Variants in EPHX1 observed in about 807,000 individuals in gnomAD.
EPHX1 encodes the protein epoxide hydratase.
EPHX1 carries 40 observed loss-of-function variants against 43.2 expected under a neutral mutation model. The observed-to-expected ratio is 0.93, with a 90% CI of 0.72 to 1.21. The LOEUF (loss-of-function observed/expected upper bound fraction) is 1.21. Among genes scored for constraint, EPHX1 ranks in the 50% most tolerant of loss-of-function variants. The pLI is 0.00. For synonymous variants in EPHX1, 221 were observed against 226.7 expected (o/e 0.98, Z 0.22); for missense variants, 550 against 570.4 (o/e 0.96, Z 0.36).
Position 225,839,361 on chromosome 1 carries a change from G to A in EPHX1, c.722+15G>A. 6.2e-7 allele frequency: 1 copy of A among 1,600,976 alleles called. No individual in the cohort carries two copies. Among genetic ancestry groups the A allele is most frequent in the East Asian group, 2.3e-5 (1 of 44,408 alleles). ...CTGGTGCCCAGGTGAGGTCACTGTT[G>A]GGGTGGTGTGTGTGTGTGTGTGTGT... On this transcript the variant is annotated intron_variant, in intron 5 of 8. Coordinates refer to ENST00000272167, the MANE Select transcript of EPHX1 (RefSeq NM_001136018.4).
intron 7 of EPHX1, among the ~76,000 whole-genome samples, chr1:225,843,481 T>G (rs1668611031): frequency 6.6e-6 from 1 of 152,146 alleles, no homozygotes; most frequent in Non-Finnish European, 1.5e-5. Flanking sequence ...GGGATCTGTT[T>G]CCCCTGCCCT....
rs45464298 is a variant in EPHX1 at position 225,845,293 on chromosome 1, G to A, written c.1314G>A (p.Pro438=). The A allele has an allele frequency of 2.1e-4, 333 of 1,612,726 alleles. 1 individual carries two copies. In the African/African-American group the frequency reaches 3.5e-3, roughly 17 times the overall value. ...GCCACTTTGCGGCCTTTGAGGAGCCGGAGCTGCTCGCCCAGGACATCCGCA... is the reference window on the plus strand; with the variant it reads ...GCCACTTTGCGGCCTTTGAGGAGCCAGAGCTGCTCGCCCAGGACATCCGCA... The part of the protein sequence containing the change: ...RGGHFAAFEE[P]ELLAQDIRKF... The change falls in exon 9 of 9, where the codon CCG becomes CCA. Residue 438 remains proline (P), a synonymous_variant. Coordinates refer to ENST00000272167, the MANE Select transcript of EPHX1 (RefSeq NM_001136018.4).
rs562914405 is a variant in EPHX1, at chr1:225,845,213, T to C, written c.1234T>C (p.Trp412Arg). 9 of 1,614,148 alleles carry C rather than the reference T, an allele frequency of 5.6e-6. No individual in the cohort carries two copies. In the Admixed American group the frequency reaches 1.5e-4, roughly 27 times the overall value. ...TGAGCTATTGCACACGCCTGAAAAG[T>C]GGGTGAGGTTCAAGTACCCAAAGCT... is the stretch of plus-strand genomic sequence containing the variant. Reference protein sequence around the residue: ...PFELLHTPEKWVRFKYPKLIS... With the variant: ...PFELLHTPEKRVRFKYPKLIS... Residue 412 changes from tryptophan (W) to arginine (R), a missense_variant, in exon 9 of 9, where the codon TGG (tryptophan) becomes CGG (arginine). By Grantham distance (101) the Trp-to-Arg change is moderately radical. Transcript: ENST00000272167.
At position 225,845,429 on chromosome 1, in the gene EPHX1, G is replaced by A. The variant is rs1010258285; in HGVS notation, c.*82G>A. 3 of 1,448,228 alleles carry A rather than the reference G, an allele frequency of 2.1e-6. No individual in the cohort carries two copies. In the African/African-American group the frequency reaches 4.2e-5, roughly 20 times the overall value. 89.7% of individuals were successfully genotyped at this position (1,448,228 alleles called of 1,614,324 possible). A position where few individuals can be genotyped will look rare whatever the true frequency, so the allele number is the denominator to read the frequency against. On this transcript the variant is annotated 3_prime_UTR_variant, in exon 9 of 9. Coordinates refer to ENST00000272167, the MANE Select transcript of EPHX1 (RefSeq NM_001136018.4). ...TTGGGGAAGATACCCCTTTTCTGAG[G>A]AATGAGTTTGCCTCCGTCCCCTGCC...
rs2102755164 is a variant in EPHX1 at position 225,838,899 on chromosome 1, G to A, written c.592+18G>A. ...CAAGAAGGGTACGGGGCTGCTAGAG[G>A]TTCCATAACTGCCCCGTCCTCGCCA... On this transcript the variant is annotated intron_variant, in intron 4 of 8. Transcript: ENST00000272167. 1 of 1,610,642 alleles carries A rather than the reference G, an allele frequency of 6.2e-7. No individual in the cohort carries two copies. The highest frequency in any genetic ancestry group is 8.5e-7 in the Non-Finnish European group (1 of 1,176,852).
At chr1:225,834,715 C>T (rs573036566) in intron 3 of EPHX1, among the ~76,000 whole-genome samples, 105 of 152,106 alleles carry the variant, frequency 6.9e-4, no homozygotes, top group Middle Eastern at 3.4e-3. Flanking sequence ...GGATCCAAGC[C>T]ACTTAATCCC....
chr1:225,813,918 C>G (rs1575973240), intron 1 of EPHX1, among the ~76,000 whole-genome samples: 1 of 152,214 alleles, frequency 6.6e-6, no homozygotes, highest in African/African-American at 2.4e-5. Flanking sequence ...AAAGAGACTT[C>G]TGGAAAATTC....
rs76554183 is a variant in EPHX1, at chr1:225,818,077, G to A, written c.-6+7908G>A. ...CCAGTCTTCTTTGGGGTCAGGGGGC[G>A]TTATAGTGCCTCATGCCACCTACTC... On this transcript the variant is annotated intron_variant, in intron 1 of 8. Transcript: ENST00000272167. 2.3e-3 allele frequency among the ~76,000 whole-genome samples: 351 copies of A among 152,224 alleles called. 14 individuals carry two copies. In the East Asian group the frequency reaches 0.047, roughly 20 times the overall value.
Position 225,844,555 on chromosome 1 carries a change from C to G in EPHX1, c.1098C>G (p.Thr366=). The G allele has an allele frequency of 6.2e-7, 1 of 1,614,184 alleles. No homozygotes were observed. Among genetic ancestry groups the G allele is most frequent in the Non-Finnish European group, 8.5e-7 (1 of 1,180,026 alleles). Residue 366 remains threonine, a synonymous_variant, in exon 8 of 9, where the codon ACC becomes ACG. Coordinates refer to ENST00000272167, the MANE Select transcript of EPHX1 (RefSeq NM_001136018.4). ...TNVMLYWTTG[T]IISSQRFYKE... is the part of the protein sequence containing the mutation. ...TCATGCTCTACTGGACAACAGGCACCATCATCTCCTCCCAGCGCTTCTACA... is the reference window on the plus strand; with the variant it reads ...TCATGCTCTACTGGACAACAGGCACGATCATCTCCTCCCAGCGCTTCTACA...
chr1:225,831,850 C>G lies in EPHX1; in HGVS notation c.255C>G (p.Phe85Leu). 6.2e-7 allele frequency: 1 copy of G among 1,614,198 alleles called. No homozygotes were observed. The highest frequency in any genetic ancestry group is 8.5e-7 in the Non-Finnish European group (1 of 1,180,030). ...AGGACAGCTGCTTCCACTATGGCTTCAACTCCAACTACCTGAAGAAAGTCA... is the reference window on the plus strand; with the variant it reads ...AGGACAGCTGCTTCCACTATGGCTTGAACTCCAACTACCTGAAGAAAGTCA... ...PLEDSCFHYGFNSNYLKKVIS... is the reference protein window; with the variant it reads ...PLEDSCFHYGLNSNYLKKVIS... The change falls in exon 3 of 9, where the codon TTC (phenylalanine) becomes TTG (leucine). Residue 85 changes from phenylalanine to leucine, a missense_variant. Physicochemically the swap from Phe to Leu is conservative, Grantham distance 22. Coordinates refer to ENST00000272167, the MANE Select transcript of EPHX1 (RefSeq NM_001136018.4).
At position 225,831,763 on chromosome 1, in the gene EPHX1, C is replaced by G. The variant is rs372504987; in HGVS notation, c.184-16C>G. 2.0e-5 allele frequency: 32 copies of G among 1,613,314 alleles called. No individual in the cohort carries two copies. The highest frequency in any genetic ancestry group is 2.5e-5 in the Non-Finnish European group (29 of 1,179,976). On this transcript the variant is annotated splice_polypyrimidine_tract_variant and intron_variant, in intron 2 of 8. Transcript: ENST00000272167. Reference sequence around the variant, plus strand: ...TTCCCATCCCTCTCAACTTGGGGTCCTGAATTTTGCTCCAGGACTTACACC... The same window carrying G: ...TTCCCATCCCTCTCAACTTGGGGTCGTGAATTTTGCTCCAGGACTTACACC...
intron 8 of EPHX1, 44 bp from the exon 9 acceptor site, chr1:225,845,102 G>GCAGGGCCA (rs1434305527): frequency 5.0e-6 from 8 of 1,606,256 alleles, no homozygotes; most frequent in East Asian, 4.5e-5. Flanking sequence ...ACGGAGGGGC[G>GCAGGGCCA]CAGGGCCACA....
Position 225,839,203 on chromosome 1 carries a change from C to T in EPHX1, c.593-14C>T. 1 of 1,614,000 alleles carries T rather than the reference C, an allele frequency of 6.2e-7. No individual in the cohort carries two copies. The highest frequency in any genetic ancestry group is 8.5e-7 in the Non-Finnish European group (1 of 1,180,010). On this transcript the variant is annotated splice_polypyrimidine_tract_variant and intron_variant, in intron 4 of 8. Transcript: ENST00000272167. Reference sequence around the variant, plus strand: ...GTGACTCCGTGACTCCATGCCTTTCCCCATCACTGCCAGGGTTCAACTCGG... The same window carrying T: ...GTGACTCCGTGACTCCATGCCTTTCTCCATCACTGCCAGGGTTCAACTCGG...
At chr1:225,842,211 A>ATG (rs1286717810) in intron 6 of EPHX1, among the ~76,000 whole-genome samples, 155 bp from the exon 7 acceptor site, 1 of 152,256 alleles carries the variant, frequency 6.6e-6, no homozygotes, top group Non-Finnish European at 1.5e-5. Flanking sequence ...GAAGCGAGGC[A>ATG]TGTGAGCACC....
intron 6 of EPHX1, among the ~76,000 whole-genome samples, chr1:225,841,897 C>T (rs1397851275): frequency 6.6e-6 from 1 of 152,236 alleles, no homozygotes; most frequent in Non-Finnish European, 1.5e-5. Flanking sequence ...AGCCAATGCC[C>T]CCAGCCTGTT....
chr1:225,823,896 G>C (rs1449900611), intron 1 of EPHX1, among the ~76,000 whole-genome samples: 2 of 152,194 alleles, frequency 1.3e-5, no homozygotes, highest in East Asian at 3.9e-4. Flanking sequence ...CAGGCAGAGT[G>C]GTGCCCTCTT....
In EPHX1 at chr1:225,831,785, C is replaced by A. The variant is rs146362595; in HGVS notation, c.190C>A (p.His64Asn). 1.7e-5 allele frequency: 27 copies of A among 1,613,976 alleles called. No homozygotes were observed. In the Middle Eastern group the frequency reaches 3.2e-3, roughly 192 times the overall value. The change falls in exon 3 of 9, where the codon CAC becomes AAC. Residue 64 changes from histidine (H) to asparagine (N), a missense_variant. Transcript: ENST00000272167. ...ETSDEEIHDL[H>N]QRIDKFRFTP... is the part of the protein sequence containing the mutation. Reference sequence around the variant, plus strand: ...GTCCTGAATTTTGCTCCAGGACTTACACCAGAGGATCGATAAGTTCCGTTT... The same window carrying A: ...GTCCTGAATTTTGCTCCAGGACTTAAACCAGAGGATCGATAAGTTCCGTTT...
In EPHX1 at chr1:225,838,903, C is replaced by T. The variant is rs373551576; in HGVS notation, c.592+22C>T. 69 of 1,608,806 alleles carry T rather than the reference C, an allele frequency of 4.3e-5. No homozygotes were observed. The African/African-American group carries it at 8.7e-4, about 20-fold the overall frequency. On this transcript the variant is annotated intron_variant, in intron 4 of 8. Transcript: ENST00000272167. The stretch of plus-strand genomic sequence containing the variant: ...AAGGGTACGGGGCTGCTAGAGGTTC[C>T]ATAACTGCCCCGTCCTCGCCAAGGG...
intron 6 of EPHX1, 79 bp from the exon 7 acceptor site, chr1:225,842,287 G>C (rs1215299285): frequency 1.3e-5 from 14 of 1,101,528 alleles, no homozygotes; most frequent in Non-Finnish European, 2.0e-5. Context: ...TCTGCGGCCA[G>C]TGCCACACAT....
Sources: allele counts gnomAD v4.1 joint callset (sites outside exome capture counted in the v4.1 genomes callset), GRCh38; gene constraint gnomAD v4.1.1; transcripts MANE v1.5; gene names NCBI Gene and HGNC (gene_info 2026-07-23, HGNC 2026-07-21).